The following EWSR1 variants were observed in gnomAD, a reference collection of about 807,000 sequenced individuals.
EWSR1 encodes EWS RNA binding protein 1.
Under a neutral mutation model 92.1 loss-of-function variants are expected in EWSR1, and 14 were observed. That is an observed-to-expected ratio of 0.15 (90% CI 0.10 to 0.24). EWSR1 has a LOEUF of 0.24. Ranked by LOEUF, EWSR1 falls within the 10% of genes least tolerant of loss-of-function variation. The pLI, the probability that EWSR1 is intolerant of heterozygous loss-of-function variation, is 1.00. For synonymous variants in EWSR1, 303 were observed against 292.9 expected (o/e 1.03, Z -0.35); for missense variants, 637 against 870.9 (o/e 0.73, Z 3.38).
chr22:29,290,485 T>C, intron 8 of EWSR1: 1 of 1,613,426 alleles, frequency 6.2e-7, no homozygotes, highest in Non-Finnish European at 8.5e-7. Flanking sequence ...GCCGGCAGCA[T>C]AATGAAAAGT....
At chr22:29,284,213 G>A (rs537629426) in intron 6 of EWSR1, among the ~76,000 whole-genome samples, 5 of 151,384 alleles carry the variant, frequency 3.3e-5, no homozygotes, top group South Asian at 4.1e-4. Context: ...CAAGTGATCC[G>A]CCCACCTTGG....
chr22:29,295,483 T>G (rs1371127816), intron 11 of EWSR1: 1 of 208,136 alleles, frequency 4.8e-6, no homozygotes, highest in Non-Finnish European at 9.8e-6. Context: ...AAAAATGCAT[T>G]TCCACATTAT....
At chr22:29,269,787 C>T (rs2058508798) in intron 1 of EWSR1, 1 of 152,254 alleles carries the variant, frequency 6.6e-6, no homozygotes, top group African/African-American at 2.4e-5. Context: ...GCCCTATCCA[C>T]CCTCTTCTGC....
chr22:29,277,450 T>C (rs2059209762), intron 4 of EWSR1: 2 of 224,710 alleles, frequency 8.9e-6, no homozygotes, highest in Admixed American at 1.1e-4. Context: ...TTATTAATCA[T>C]GTGCTCAAGT....
chr22:29,278,562 C>T (rs898369831), intron 5 of EWSR1, among the ~76,000 whole-genome samples: 1 of 151,908 alleles, frequency 6.6e-6, no homozygotes, highest in Non-Finnish European at 1.5e-5. Context: ...CAGTGGCTCA[C>T]GCCTGTAATC....
At chr22:29,271,977 G>A (rs1456448278) in intron 1 of EWSR1, among the ~76,000 whole-genome samples, 1 of 152,150 alleles carries the variant, frequency 6.6e-6, no homozygotes, top group African/African-American at 2.4e-5. Flanking sequence ...AAGTATACCT[G>A]CCAAATCAGC....
At chr22:29,268,525 C>A (rs1478922026) in intron 1 of EWSR1, among the ~76,000 whole-genome samples, 176 bp downstream of exon 1, 1 of 152,060 alleles carries the variant, frequency 6.6e-6, no homozygotes, top group Non-Finnish European at 1.5e-5. Context: ...CCCAACCGGG[C>A]GGGCCGGTTC....
At chr22:29,291,673 TTA>T in intron 9 of EWSR1, 74 bp downstream of exon 9, 1 of 1,395,262 alleles carries the variant, frequency 7.2e-7, no homozygotes, top group Non-Finnish European at 9.9e-7. Flanking sequence ...TATAATTTTT[TTA>T]TTAGTTTCAT....
At chr22:29,283,546 A>G (rs544155539) in intron 6 of EWSR1, among the ~76,000 whole-genome samples, 1 of 150,890 alleles carries the variant, frequency 6.6e-6, no homozygotes, top group East Asian at 1.9e-4. Context: ...TTGTTTTGAG[A>G]TGGAGTTTCG....
At chr22:29,274,300 A>G (rs773825941) in intron 4 of EWSR1, 1 of 1,613,592 alleles carries the variant, frequency 6.2e-7, no homozygotes, top group South Asian at 1.1e-5. Context: ...TATCCTGCTC[A>G]TTCTTGCATG....
chr22:29,272,837 G>C, intron 3 of EWSR1, among the ~76,000 whole-genome samples: 1 of 152,220 alleles, frequency 6.6e-6, no homozygotes, highest in East Asian at 1.9e-4. Context: ...AAGTGGCGGG[G>C]TTAGCTCTAA....
intron 4 of EWSR1, chr22:29,277,818 A>C (rs2071637221): frequency 3.7e-6 from 2 of 535,618 alleles, no homozygotes; most frequent in Admixed American, 6.8e-5. Context: ...TTTAGAGCAA[A>C]TGAGACAGTT....
At position 29,298,839 on chromosome 22, in the gene EWSR1, C is replaced by T; in HGVS notation, c.1524C>T (p.Asn508=). 2 of 1,593,274 alleles carry T rather than the reference C, an allele frequency of 1.3e-6. No homozygotes were observed. Among genetic ancestry groups the T allele is most frequent in the Middle Eastern group, 1.7e-4 (1 of 5,924 alleles). ...PPRGPRGSRG[N]PSGGGNVQHR... The stretch of plus-strand genomic sequence containing the variant: ...GAGGACCCCGGGGTTCCCGAGGGAA[C>T]CCCTCTGGAGGAGGAAACGTCCAGC... The change falls in exon 14 of 17, where the codon AAC becomes AAT. Residue 508 remains asparagine (N), a synonymous_variant. Transcript: ENST00000397938.
chr22:29,278,166 G>C lies in EWSR1; in HGVS notation c.363G>C (p.Gln121His), dbSNP rs1239031201. The stretch of plus-strand genomic sequence containing the variant: ...CAGCTCAGTCTGCATATGGCACTCA[G>C]CCTGCTTATCCAGCCTATGGGCAGC... ...SYAAQSAYGTQPAYPAYGQQP... is the reference protein window; with the variant it reads ...SYAAQSAYGTHPAYPAYGQQP... Residue 121 changes from glutamine to histidine, a missense_variant, in exon 5 of 17, where the codon CAG becomes CAC. Gln to His is a conservative substitution (Grantham distance 24). Around this residue, in one of 5 missense-constraint regions of EWSR1, gnomAD observed 144 missense variants for 189.0 expected, o/e 0.76. Coordinates refer to ENST00000397938, the MANE Select transcript of EWSR1 (RefSeq NM_005243.4). The C allele has an allele frequency of 6.8e-6, 11 of 1,614,030 alleles. 1 individual carries two copies. In the South Asian group the frequency reaches 8.8e-5, roughly 13 times the overall value.
intron 11 of EWSR1, among the ~76,000 whole-genome samples, chr22:29,295,038 G>A (rs987969638): frequency 4.6e-5 from 7 of 151,924 alleles, no homozygotes; most frequent in African/African-American, 1.7e-4. Context: ...AGTGTCTACT[G>A]TCACATTCTA....
In EWSR1 at chr22:29,291,588, A is replaced by G. The variant is rs201549256; in HGVS notation, c.1001A>G (p.Asn334Ser). 1.5e-4 allele frequency: 236 copies of G among 1,613,724 alleles called. 1 individual carries two copies. The highest frequency in any genetic ancestry group is 1.8e-4 in the Non-Finnish European group (209 of 1,179,922). ...MGSAGERGGF[N>S]KPGGPMDEGP... is the part of the protein sequence containing the mutation. ...AGCGCTGGAGAGCGAGGTGGCTTCA[A>G]TAAGCCTGGTGGTAAGTTTTTGAGT... Residue 334 changes from asparagine to serine, a missense_variant, in exon 9 of 17, where the codon AAT becomes AGT. Physicochemically the swap from Asn to Ser is conservative, Grantham distance 46. This residue lies in a region of EWSR1 where 363 missense variants were observed against 447.8 expected (regional missense o/e 0.81). Coordinates refer to ENST00000397938, the MANE Select transcript of EWSR1 (RefSeq NM_005243.4).
At chr22:29,272,458 C>T in intron 3 of EWSR1, 27 bp downstream of exon 3, 1 of 1,603,796 alleles carries the variant, frequency 6.2e-7, no homozygotes, top group Admixed American at 1.7e-5. Context: ...TTACATGTAG[C>T]TGCACCTCCA....
intron 7 of EWSR1, 64 bp downstream of exon 7, chr22:29,287,198 A>G: frequency 6.7e-7 from 1 of 1,494,048 alleles, no homozygotes; most frequent in Non-Finnish European, 9.2e-7. Flanking sequence ...TGTGGGGTTG[A>G]TTTTTTTTGT....
chr22:29,270,010 C>A (rs543430920), intron 1 of EWSR1, among the ~76,000 whole-genome samples: 1 of 152,160 alleles, frequency 6.6e-6, no homozygotes, highest in African/African-American at 2.4e-5. Flanking sequence ...GTAATCTGGT[C>A]CTTAGTTTCC....
Sources: gnomAD v4.1 joint callset for allele counts (sites outside exome capture counted in the v4.1 genomes callset) on GRCh38, gnomAD v4.1.1 for gene constraint, gnomAD v4.1.1 regional missense constraint, MANE v1.5 for transcripts, NCBI Gene and HGNC (gene_info 2026-07-23, HGNC 2026-07-21) for gene names.